Variants in PRELID2 observed in about 807,000 individuals in gnomAD.
PRELID2 encodes the protein PRELI domain-containing protein 2.
In PRELID2, 25 loss-of-function variants were observed where a neutral mutation model predicts 28.4. That is an observed-to-expected ratio of 0.88 (90% CI 0.64 to 1.23). The LOEUF is 1.23. Ranked by LOEUF, PRELID2 falls within the 50% of genes most tolerant of loss-of-function variation. The pLI is 0.00. For missense variants in PRELID2, 201 were observed against 214.4 expected (o/e 0.94, Z 0.39); for synonymous variants, 76 against 71.6 (o/e 1.06, Z -0.31).
chr5:145,524,250 G>A (rs911931333), intron 1 of PRELID2, among the ~76,000 whole-genome samples: 1 of 152,196 alleles, frequency 6.6e-6, no homozygotes, highest in African/African-American at 2.4e-5. Flanking sequence ...TCATGGGTTG[G>A]CCCCAAGAGA....
chr5:145,454,679 A>G, the PRELID2 span, among the ~76,000 whole-genome samples: 1 of 152,172 alleles, frequency 6.6e-6, no homozygotes, highest in Admixed American at 6.5e-5. Flanking sequence ...TCCCATTCAC[A>G]ATTGCTTCAA....
intron 1 of PRELID2, among the ~76,000 whole-genome samples, chr5:145,687,563 CAACT>C (rs1205807973): frequency 6.6e-6 from 1 of 152,192 alleles, no homozygotes; most frequent in African/African-American, 2.4e-5. Flanking sequence ...ATGATTAAAT[CAACT>C]AACAAAATTG....
chr5:145,336,542 A>G, the PRELID2 span, among the ~76,000 whole-genome samples: 1 of 152,016 alleles, frequency 6.6e-6, no homozygotes, highest in Admixed American at 6.6e-5. Flanking sequence ...TCCTTTCCCC[A>G]TTGCTTGTTT....
At chr5:145,571,096 T>C (rs1467715073) in intron 1 of PRELID2, among the ~76,000 whole-genome samples, 3 of 152,256 alleles carry the variant, frequency 2.0e-5, no homozygotes, top group Admixed American at 2.0e-4. Flanking sequence ...TGTACTCTGA[T>C]GTTTTTTAAA....
the PRELID2 span, among the ~76,000 whole-genome samples, chr5:145,318,450 T>C: frequency 6.6e-6 from 1 of 152,244 alleles, no homozygotes. Flanking sequence ...CAATCTAGAC[T>C]AGAAAAGGAG....
At chr5:145,739,912 T>C (rs940308774) in intron 1 of PRELID2, among the ~76,000 whole-genome samples, 2 of 150,582 alleles carry the variant, frequency 1.3e-5, no homozygotes, top group African/African-American at 4.9e-5. Flanking sequence ...CTAAAGAAAG[T>C]TTTTAAAAAA....
the PRELID2 span, among the ~76,000 whole-genome samples, chr5:145,464,290 C>T: frequency 6.6e-6 from 1 of 152,048 alleles, no homozygotes; most frequent in African/African-American, 2.4e-5. Context: ...CCCTGGCTCA[C>T]TGAGGAAATA....
intron 4 of PRELID2, among the ~76,000 whole-genome samples, chr5:145,813,975 C>T (rs567075063): frequency 6.6e-6 from 1 of 152,164 alleles, no homozygotes; most frequent in Non-Finnish European, 1.5e-5. Context: ...AGAGCAAAAA[C>T]AAACAACCTA....
chr5:145,238,541 A>G, the PRELID2 span, among the ~76,000 whole-genome samples: 2 of 152,128 alleles, frequency 1.3e-5, no homozygotes, highest in Admixed American at 6.6e-5. Flanking sequence ...TTTTTCTCCT[A>G]TGCCAGATAT....
chr5:145,656,901 T>TA (rs1056871110), intron 1 of PRELID2, among the ~76,000 whole-genome samples: 1 of 152,080 alleles, frequency 6.6e-6, no homozygotes, highest in Non-Finnish European at 1.5e-5. Flanking sequence ...TAAAGTATGA[T>TA]AAAAAATAAA....
In PRELID2 at chr5:145,509,748, T is replaced by C. The variant is rs75767948; in HGVS notation, n.71-36433A>G. 2.8e-3 allele frequency among the ~76,000 whole-genome samples: 430 copies of C among 152,340 alleles called. 1 individual carries two copies. Among genetic ancestry groups the C allele is most frequent in the African/African-American group, 9.7e-3 (404 of 41,574 alleles). On this transcript the variant is annotated intron_variant and non_coding_transcript_variant, in intron 1 of 2. Coordinates refer to the PRELID2 transcript ENST00000510259. ...AAACAATGTAACACTGTAAAGCAGA[T>C]GCTGTTTTCTTCCTTTTAATATTGA... is the stretch of plus-strand genomic sequence containing the variant.
At chr5:145,811,080 G>A (rs1431504834) in intron 4 of PRELID2, among the ~76,000 whole-genome samples, 1 of 65,194 alleles carries the variant, frequency 1.5e-5, no homozygotes, top group African/African-American at 6.4e-5. Flanking sequence ...CATGGCAGCA[G>A]GCAAAAAAAA....
chr5:145,767,727 T>C (rs1006149316), intron 5 of PRELID2, among the ~76,000 whole-genome samples: 1 of 152,148 alleles, frequency 6.6e-6, no homozygotes, highest in African/African-American at 2.4e-5. Context: ...GGCAACCCCT[T>C]CATAAGTCAT....
chr5:145,285,381 TC>T, the PRELID2 span, among the ~76,000 whole-genome samples: 1 of 152,194 alleles, frequency 6.6e-6, no homozygotes. Flanking sequence ...GAGTTCTCCA[TC>T]CCCGAAGCTC....
chr5:145,430,494 A>G, the PRELID2 span, among the ~76,000 whole-genome samples: 494 of 152,134 alleles, frequency 3.2e-3, 4 homozygotes, highest in African/African-American at 0.011. Context: ...ATCATGAAGA[A>G]CTCAAACCTG....
At chr5:145,469,159 A>G (rs953008475), downstream of PRELID2, among the ~76,000 whole-genome samples, 2 of 152,088 alleles carry the variant, frequency 1.3e-5, no homozygotes, top group Non-Finnish European at 1.5e-5. Flanking sequence ...CAAGTTCACC[A>G]TTAACATTAT....
intron 6 of PRELID2, 56 bp downstream of exon 6, chr5:145,764,875 A>G (rs1757650231): frequency 1.5e-6 from 2 of 1,296,876 alleles, no homozygotes; most frequent in Middle Eastern, 1.8e-4. Context: ...TACCAGGCTG[A>G]TAAGCATGAA....
At chr5:145,714,991 T>C (rs1755803809) in intron 1 of PRELID2, among the ~76,000 whole-genome samples, 1 of 152,138 alleles carries the variant, frequency 6.6e-6, no homozygotes, top group Admixed American at 6.6e-5. Context: ...GACCTCTTTC[T>C]CCATTTTATC....
At chr5:145,668,040 C>G (rs564209943) in intron 1 of PRELID2, among the ~76,000 whole-genome samples, 1 of 152,214 alleles carries the variant, frequency 6.6e-6, no homozygotes, top group African/African-American at 2.4e-5. Flanking sequence ...GTCAACCTAA[C>G]TTGTGAAAAG....
Sources: gnomAD v4.1 joint callset for allele counts (sites outside exome capture counted in the v4.1 genomes callset) on GRCh38, gnomAD v4.1.1 for gene constraint, MANE v1.5 for transcripts, NCBI Gene and HGNC (gene_info 2026-07-23, HGNC 2026-07-21) for gene names.